Variants in WRNIP1 observed in about 807,000 individuals in gnomAD.
The protein encoded by WRNIP1 is WRN helicase interacting protein 1.
WRNIP1 carries 41 observed loss-of-function variants against 56.1 expected under a neutral mutation model. The observed-to-expected ratio is 0.73, with a 90% CI of 0.57 to 0.95. The LOEUF (loss-of-function observed/expected upper bound fraction) is 0.95, where lower values mean the gene tolerates loss of function less well. WRNIP1 is among the 40% of genes least tolerant of loss of function. The probability of loss-of-function intolerance (pLI) is 0.00; values close to 1 mark genes in which losing one functional copy is unlikely to be tolerated. For synonymous variants in WRNIP1, 547 were observed against 398.1 expected, an observed-to-expected ratio of 1.37 and a Z score of -4.45; for missense variants, 1,170 against 939.4, an observed-to-expected ratio of 1.25 and a Z score of -3.21.
At chr6:2,781,585 T>C (rs1166150292) in intron 4 of WRNIP1, among the ~76,000 whole-genome samples, 3 of 152,194 alleles carry the variant, frequency 2.0e-5, no homozygotes, top group Non-Finnish European at 4.4e-5. Context: ...ACCTAGTTCA[T>C]AGTTACCCAC....
chr6:2,783,529 G>T lies in WRNIP1; in HGVS notation c.1610G>T (p.Arg537Leu). The T allele has an allele frequency of 1.2e-6, 2 of 1,613,124 alleles. No individual in the cohort carries two copies. The change falls in exon 5 of 7, where the codon CGG becomes CTG. Residue 537 changes from arginine (R) to leucine (L), a missense_variant. Arg to Leu is a moderately radical substitution (Grantham distance 102). Coordinates refer to ENST00000380773, the MANE Select transcript of WRNIP1 (RefSeq NM_020135.3). ...GGAGAGGACCCACTCTACGTGGCAC[G>T]GAGGCTTGTCAGGTTTGCCAGCGAG... is the stretch of plus-strand genomic sequence containing the variant. The part of the protein sequence containing the change: ...EGGEDPLYVA[R>L]RLVRFASEDI...
chr6:2,785,687 T>C lies in WRNIP1; in HGVS notation c.*405T>C, dbSNP rs1487350279. ...AATTGTGATTTAATACTGCATAGTGTTTTGGGTATTTTTTTTATATGCAAA... is the reference window on the plus strand; with the variant it reads ...AATTGTGATTTAATACTGCATAGTGCTTTGGGTATTTTTTTTATATGCAAA... On this transcript the variant is annotated 3_prime_UTR_variant, in exon 7 of 7. Transcript: ENST00000380773. The C allele has an allele frequency of 5.7e-6, 1 of 175,254 alleles. No homozygotes were observed. The highest frequency in any genetic ancestry group is 2.4e-5 in the African/African-American group (1 of 41,762). The allele number at this position is 175,254 out of a possible 1,614,324, so 10.9% of individuals were successfully genotyped here.
chr6:2,768,899 C>G lies in WRNIP1; in HGVS notation c.1014+17C>G. On this transcript the variant is annotated intron_variant, in intron 2 of 6. Transcript: ENST00000380773. ...TCTCAGCAGGTATATTAACTTCCTT[C>G]TACCTTTTGGTCGTTGTGAACATCA... is the stretch of plus-strand genomic sequence containing the variant. 1.9e-6 allele frequency: 3 copies of G among 1,594,886 alleles called. No homozygotes were observed. The highest frequency in any genetic ancestry group is 2.6e-6 in the Non-Finnish European group (3 of 1,169,782).
intron 3 of WRNIP1, among the ~76,000 whole-genome samples, chr6:2,774,925 G>A (rs111530011): frequency 0.011 from 1,640 of 152,240 alleles, 28 homozygotes; most frequent in African/African-American, 0.037. Context: ...TGATACCAAA[G>A]CAGTATTTGT....
intron 3 of WRNIP1, among the ~76,000 whole-genome samples, chr6:2,778,760 G>A (rs1765489167): frequency 6.6e-6 from 1 of 152,186 alleles, no homozygotes; most frequent in African/African-American, 2.4e-5. Flanking sequence ...TAAAATGAAG[G>A]AATTGAACTG....
chr6:2,765,461 G>C lies in WRNIP1; in HGVS notation c.-162G>C. 4 of 863,156 alleles carry C rather than the reference G, an allele frequency of 4.6e-6. No individual in the cohort carries two copies. Among genetic ancestry groups the C allele is most frequent in the Non-Finnish European group, 6.1e-6 (4 of 660,476 alleles). 53.5% of individuals were successfully genotyped at this position (863,156 alleles called of 1,614,324 possible). A position where few individuals can be genotyped will look rare whatever the true frequency, so the allele number is the denominator to read the frequency against. On this transcript the variant is annotated 5_prime_UTR_variant, in exon 1 of 7. Transcript: ENST00000380773. ...GAGGGCGGGCGGACGCGGGAGCTGCGGACGTGAGGCATGAGCGGCGCCCTC... is the reference window on the plus strand; with the variant it reads ...GAGGGCGGGCGGACGCGGGAGCTGCCGACGTGAGGCATGAGCGGCGCCCTC...
chr6:2,773,208 GTTA>G (rs1360823222), intron 3 of WRNIP1: 46 of 985,240 alleles, frequency 4.7e-5, no homozygotes, highest in Non-Finnish European at 5.4e-5. Context: ...CCCTCCTGTA[GTTA>G]TTATTCAGTC....
At chr6:2,770,891 GAAAGT>G (rs1313104177) in intron 3 of WRNIP1, among the ~76,000 whole-genome samples, 1 of 152,006 alleles carries the variant, frequency 6.6e-6, no homozygotes, top group Non-Finnish European at 1.5e-5. Flanking sequence ...TCAGTTTCAT[GAAAGT>G]AAAGGAATGT....
rs375082906 is a variant in WRNIP1, at chr6:2,784,816, C to T, written c.1723-191C>T. Among the ~76,000 whole-genome samples the T allele has an allele frequency of 4.9e-3, 748 of 152,196 alleles. 12 individuals carry two copies. The highest frequency in any genetic ancestry group is 0.041 in the Middle Eastern group (12 of 294). On this transcript the variant is annotated intron_variant, in intron 6 of 6. Coordinates refer to ENST00000380773, the MANE Select transcript of WRNIP1 (RefSeq NM_020135.3). ...AATGAAAACCACTCACCTGGTTTGC[C>T]TCTCGTTTCACCTCATGAGAATTTC...
chr6:2,765,672 A>G lies in WRNIP1; in HGVS notation c.50A>G (p.Gln17Arg), dbSNP rs752134625. 5.2e-6 allele frequency: 8 copies of G among 1,552,784 alleles called. No individual in the cohort carries two copies. In the South Asian group the frequency reaches 8.0e-5, roughly 15 times the overall value. ...EDDPFLSQLH[Q>R]VQCPVCQQMM... ...GACCCCTTCCTTTCGCAGCTGCACC[A>G]GGTGCAGTGCCCCGTGTGCCAGCAG... Residue 17 changes from glutamine to arginine, a missense_variant, in exon 1 of 7, where the codon CAG (glutamine) becomes CGG (arginine). Coordinates refer to ENST00000380773, the MANE Select transcript of WRNIP1 (RefSeq NM_020135.3).
intron 4 of WRNIP1, among the ~76,000 whole-genome samples, chr6:2,780,976 T>C (rs1055270461): frequency 2.0e-5 from 3 of 152,338 alleles, no homozygotes; most frequent in Admixed American, 1.3e-4. Context: ...TAGCTATTAA[T>C]ATTACCCCCA....
chr6:2,765,992 C>T lies in WRNIP1; in HGVS notation c.370C>T (p.Pro124Ser), dbSNP rs972984733. ...PPTPSGARLIPDFPVARSSSP... is the reference protein window; with the variant it reads ...PPTPSGARLISDFPVARSSSP... ...CACACCCAGCGGCGCCCGCCTTATC[C>T]CCGACTTCCCGGTGGCCCGCTCCAG... Residue 124 changes from proline to serine, a missense_variant, in exon 1 of 7, where the codon CCC becomes TCC. By Grantham distance (74) the Pro-to-Ser change is moderately conservative (BLOSUM62 -1). Transcript: ENST00000380773. 28 of 1,383,664 alleles carry T rather than the reference C, an allele frequency of 2.0e-5. No homozygotes were observed. Among genetic ancestry groups the T allele is most frequent in the East Asian group, 3.1e-5 (1 of 32,578 alleles). 85.7% of individuals were successfully genotyped at this position (1,383,664 alleles called of 1,614,324 possible). A position where few individuals can be genotyped will look rare whatever the true frequency, so the allele number is the denominator to read the frequency against.
At chr6:2,771,435 A>G (rs1414990981) in intron 3 of WRNIP1, among the ~76,000 whole-genome samples, 5 of 152,212 alleles carry the variant, frequency 3.3e-5, no homozygotes, top group Non-Finnish European at 1.5e-5. Context: ...TGTGGCCACA[A>G]GCAGTGTGTG....
At chr6:2,768,508 A>G (rs1331038999) in intron 1 of WRNIP1, among the ~76,000 whole-genome samples, 183 bp from the exon 2 acceptor site, 1 of 152,154 alleles carries the variant, frequency 6.6e-6, no homozygotes, top group Non-Finnish European at 1.5e-5. Context: ...TATTTATAAT[A>G]TTTTTGTTGT....
intron 3 of WRNIP1, among the ~76,000 whole-genome samples, chr6:2,771,122 G>C (rs160661): frequency 0.98 from 148,818 of 152,302 alleles, 72,818 homozygotes; most frequent in East Asian, 1. Flanking sequence ...ATAATCTGGT[G>C]TGATGAGAGG....
At chr6:2,771,421 C>T (rs1376939122) in intron 3 of WRNIP1, among the ~76,000 whole-genome samples, 5 of 152,162 alleles carry the variant, frequency 3.3e-5, no homozygotes, top group Admixed American at 6.5e-5. Flanking sequence ...ATAGCCATTA[C>T]ATCTGTGGCC....
At position 2,766,417 on chromosome 6, in the gene WRNIP1, C is replaced by A. The variant is rs141424762; in HGVS notation, c.795C>A (p.Ile265=). The A allele has an allele frequency of 4.4e-6, 7 of 1,592,526 alleles. No homozygotes were observed. The African/African-American group carries it at 8.0e-5, about 18-fold the overall frequency. ...AGACCAACGAAATCCCCTCGCTTATCCTGTGGGGGCCGCCGGGCTGCGGCA... is the reference window on the plus strand; with the variant it reads ...AGACCAACGAAATCCCCTCGCTTATACTGTGGGGGCCGCCGGGCTGCGGCA... ...LLETNEIPSL[I]LWGPPGCGKT... The change falls in exon 1 of 7, where the codon ATC becomes ATA. Residue 265 remains isoleucine (I), a synonymous_variant. Coordinates refer to ENST00000380773, the MANE Select transcript of WRNIP1 (RefSeq NM_020135.3).
rs539913597 is a variant in WRNIP1, at chr6:2,769,606, C to T, written c.1015-514C>T. 4.6e-5 allele frequency among the ~76,000 whole-genome samples: 7 copies of T among 152,046 alleles called. No homozygotes were observed. The South Asian group carries it at 1.2e-3, about 27-fold the overall frequency. On this transcript the variant is annotated intron_variant, in intron 2 of 6. Coordinates refer to ENST00000380773, the MANE Select transcript of WRNIP1 (RefSeq NM_020135.3). ...TAAAAAGACCCTTTTAAAGTTCTGA[C>T]GAGGCGTTAGCATTCTAGGTTTCAT... is the stretch of plus-strand genomic sequence containing the variant.
chr6:2,782,379 G>A (rs1765581960), intron 4 of WRNIP1, among the ~76,000 whole-genome samples: 1 of 152,250 alleles, frequency 6.6e-6, no homozygotes, highest in African/African-American at 2.4e-5. Context: ...GCTGAGCCGT[G>A]GGTCCTGCAG....
Sources: gnomAD v4.1 joint callset for allele counts (sites outside exome capture counted in the v4.1 genomes callset) on GRCh38, gnomAD v4.1.1 for gene constraint, MANE v1.5 for transcripts, NCBI Gene and HGNC (gene_info 2026-07-23, HGNC 2026-07-21) for gene names.